Variants in ETV6 observed in about 807,000 individuals in gnomAD.
ETV6 encodes transcription factor ETV6.
In ETV6, 16 loss-of-function variants were observed where a neutral mutation model predicts 51.1. The observed-to-expected ratio is 0.31, with a 90% CI of 0.21 to 0.48. The LOEUF (loss-of-function observed/expected upper bound fraction) is 0.48, where lower values mean the gene tolerates loss of function less well. ETV6 is among the 20% of genes least tolerant of loss of function. The pLI, the probability that ETV6 is intolerant of heterozygous loss-of-function variation, is 0.99. For synonymous variants in ETV6, 240 were observed against 224.1 expected, an observed-to-expected ratio of 1.07 and a Z score of -0.64; for missense variants, 458 against 594.8, an observed-to-expected ratio of 0.77 and a Z score of 2.39.
intron 1 of ETV6, among the ~76,000 whole-genome samples, chr12:11,706,282 C>T (rs1197539379): frequency 6.6e-6 from 1 of 152,188 alleles, no homozygotes; most frequent in Non-Finnish European, 1.5e-5. Context: ...AGCAGGATGG[C>T]AGTCTTACTG....
chr12:11,690,609 C>T (rs2120791202), intron 1 of ETV6, among the ~76,000 whole-genome samples: 1 of 152,100 alleles, frequency 6.6e-6, no homozygotes, highest in South Asian at 2.1e-4. Flanking sequence ...ATAGAATGGG[C>T]TGGGCACGGT....
intron 1 of ETV6, among the ~76,000 whole-genome samples, chr12:11,720,766 G>C (rs1390315892): frequency 6.6e-6 from 1 of 152,144 alleles, no homozygotes; most frequent in Non-Finnish European, 1.5e-5. Context: ...CACGGCAAAA[G>C]AATCAACAGA....
chr12:11,751,887 A>G (rs747987664), intron 1 of ETV6: 25 of 501,440 alleles, frequency 5.0e-5, no homozygotes, highest in South Asian at 3.7e-4. Flanking sequence ...TGGTGGTTGT[A>G]TAGTGAGATA....
intron 2 of ETV6, among the ~76,000 whole-genome samples, chr12:11,834,395 T>C (rs1946285731): frequency 6.6e-6 from 1 of 152,186 alleles, no homozygotes; most frequent in African/African-American, 2.4e-5. Context: ...AAAGTTTGGA[T>C]AAGGAGTGGT....
intron 5 of ETV6, among the ~76,000 whole-genome samples, chr12:11,871,600 T>A (rs1035265079): frequency 6.6e-6 from 1 of 152,198 alleles, no homozygotes. Context: ...ACATCAGGGA[T>A]GTTGAATCCA....
intron 7 of ETV6, among the ~76,000 whole-genome samples, chr12:11,888,399 T>TTTTCTTTTC (rs1491382545): frequency 6.5e-4 from 3 of 4,618 alleles, no homozygotes; most frequent in Non-Finnish European, 2.9e-3. Context: ...TTTTCTTTTC[T>TTTTCTTTTC]TTTTTTTTTT....
chr12:11,689,423 A>C (rs1014759805), intron 1 of ETV6, among the ~76,000 whole-genome samples: 7 of 152,074 alleles, frequency 4.6e-5, no homozygotes, highest in Non-Finnish European at 1.5e-5. Flanking sequence ...TACATTTGCT[A>C]TTTTATTTTA....
intron 1 of ETV6, among the ~76,000 whole-genome samples, chr12:11,713,622 T>C (rs1865215357): frequency 6.6e-6 from 1 of 152,198 alleles, no homozygotes; most frequent in African/African-American, 2.4e-5. Context: ...TCAGGGGGGC[T>C]TTCCCTGAGC....
intron 5 of ETV6, among the ~76,000 whole-genome samples, chr12:11,874,924 A>G (rs1402069713): frequency 1.3e-5 from 2 of 149,378 alleles, no homozygotes; most frequent in Non-Finnish European, 3.0e-5. Context: ...GAGGGATAGC[A>G]TTAGGAGATA....
intron 4 of ETV6, among the ~76,000 whole-genome samples, chr12:11,862,461 T>C (rs1188737958): frequency 6.6e-6 from 1 of 152,162 alleles, no homozygotes; most frequent in Non-Finnish European, 1.5e-5. Flanking sequence ...TATCTCACTT[T>C]TCTGGGGGCT....
chr12:11,735,086 CTTTTTTTTTTTTTT>C (rs58797937), intron 1 of ETV6, among the ~76,000 whole-genome samples: 2 of 76,240 alleles, frequency 2.6e-5, no homozygotes, highest in Admixed American at 4.0e-4. Context: ...GCAAGGTGGC[CTTTTTTTTTTTTTT>C]TTTTTTTTTT....
At chr12:11,655,325 A>G (rs768605767) in intron 1 of ETV6, among the ~76,000 whole-genome samples, 1 of 152,286 alleles carries the variant, frequency 6.6e-6, no homozygotes, top group South Asian at 2.1e-4. Context: ...TGTGTTGGGA[A>G]CCAATCTCCG....
intron 1 of ETV6, among the ~76,000 whole-genome samples, chr12:11,660,698 T>G (rs1334906195): frequency 4.6e-5 from 7 of 152,114 alleles, no homozygotes; most frequent in Non-Finnish European, 7.4e-5. Flanking sequence ...AGGAAACTTC[T>G]CTCAAGTTTA....
intron 2 of ETV6, 52 bp downstream of exon 2, chr12:11,752,631 G>A (rs1197251768): frequency 6.4e-7 from 1 of 1,560,922 alleles, no homozygotes. Context: ...TGGGGCGGGG[G>A]TGGCAGGCAG....
intron 1 of ETV6, among the ~76,000 whole-genome samples, chr12:11,687,896 A>G: frequency 6.6e-6 from 1 of 152,280 alleles, no homozygotes; most frequent in East Asian, 1.9e-4. Context: ...TAACAATGGT[A>G]GCAACAGCAG....
At chr12:11,685,650 TAGG>T (rs1288640581) in intron 1 of ETV6, among the ~76,000 whole-genome samples, 10 of 152,122 alleles carry the variant, frequency 6.6e-5, no homozygotes, top group African/African-American at 2.4e-4. Flanking sequence ...ATGTGGGTGA[TAGG>T]AAGAAGAGAG....
At chr12:11,792,119 T>C (rs1301153330) in intron 2 of ETV6, among the ~76,000 whole-genome samples, 2 of 152,208 alleles carry the variant, frequency 1.3e-5, no homozygotes, top group East Asian at 3.8e-4. Flanking sequence ...TATAAATGTA[T>C]AGAACACCTG....
chr12:11,816,636 T>C (rs2710293), intron 2 of ETV6, among the ~76,000 whole-genome samples: 75,005 of 151,992 alleles, frequency 0.49, 18,527 homozygotes, highest in East Asian at 0.53. Context: ...GAGACCTTAA[T>C]GTATACAGAG....
In ETV6 at chr12:11,659,520, C is replaced by G. The variant is rs2541132; in HGVS notation, c.33+9360C>G. On this transcript the variant is annotated intron_variant, in intron 1 of 7. Transcript: ENST00000396373. ...ATTTTCTTCTCAGCTGCCCTGTCCC[C>G]TCTCCCTTGGGTTATGACAGGCCGT... Among the ~76,000 whole-genome samples, 9 of 152,268 alleles carry G rather than the reference C, an allele frequency of 5.9e-5. No homozygotes were observed. The South Asian group carries it at 1.7e-3, about 28-fold the overall frequency.
Sources: gnomAD v4.1 joint callset for allele counts (sites outside exome capture counted in the v4.1 genomes callset) on GRCh38, gnomAD v4.1.1 for gene constraint, MANE v1.5 for transcripts, NCBI Gene and HGNC (gene_info 2026-07-23, HGNC 2026-07-21) for gene names.